LRATD2: variants seen among roughly 807,000 people sequenced by gnomAD.
The protein encoded by LRATD2 is protein LRATD2.
A neutral mutation model predicts 12.0 loss-of-function variants in LRATD2; 10 were observed. That is an observed-to-expected ratio of 0.83 (90% CI 0.51 to 1.41). The LOEUF (loss-of-function observed/expected upper bound fraction) is 1.41. Ranked by LOEUF, LRATD2 falls within the 40% of genes most tolerant of loss-of-function variation. The probability of loss-of-function intolerance (pLI) is 0.00; values close to 1 mark genes in which losing one functional copy is unlikely to be tolerated. For missense variants in LRATD2, 455 were observed against 446.1 expected (o/e 1.02, Z -0.18); for synonymous variants, 220 against 205.8 (o/e 1.07, Z -0.59).
At position 126,558,393 on chromosome 8, in the gene LRATD2, A is replaced by G. The variant is rs1817482365; in HGVS notation, c.-456T>C. ...TCCCGCTTGGGCCGGGCGAGCAACAAGCACCGGAGCTGGAGGGACGGGATT... is the reference window on the plus strand; with the variant it reads ...TCCCGCTTGGGCCGGGCGAGCAACAGGCACCGGAGCTGGAGGGACGGGATT... On this transcript the variant is annotated 5_prime_UTR_variant, in exon 1 of 2. Coordinates refer to ENST00000304916, the MANE Select transcript of LRATD2 (RefSeq NM_174911.5). 1 of 152,170 alleles carries G rather than the reference A, an allele frequency of 6.6e-6. No homozygotes were observed. The highest frequency in any genetic ancestry group is 1.5e-5 in the Non-Finnish European group (1 of 68,050). 9.4% of individuals were successfully genotyped at this position (152,170 alleles called of 1,614,324 possible).
rs765038660 is a variant in LRATD2 at position 126,556,449 on chromosome 8, C to T, written c.*8G>A. 7 of 1,554,756 alleles carry T rather than the reference C, an allele frequency of 4.5e-6. No individual in the cohort carries two copies. Among genetic ancestry groups the T allele is most frequent in the South Asian group, 1.2e-5 (1 of 82,386 alleles). ...TTCCCCTTCGCAGCTCTGCGCTCAGCTCGCCCATCAGTGTGCCACTGCCTC... is the reference window on the plus strand; with the variant it reads ...TTCCCCTTCGCAGCTCTGCGCTCAGTTCGCCCATCAGTGTGCCACTGCCTC... On this transcript the variant is annotated 3_prime_UTR_variant, in exon 2 of 2. Coordinates refer to ENST00000304916, the MANE Select transcript of LRATD2 (RefSeq NM_174911.5). This position sits in a 1 kb window ranked among gnomAD's most constrained non-coding sequence, Gnocchi z 5.6.
In LRATD2 at chr8:126,556,793, G is replaced by C; in HGVS notation, c.597C>G (p.Arg199=). The C allele has an allele frequency of 6.3e-7, 1 of 1,598,350 alleles. No homozygotes were observed. The highest frequency in any genetic ancestry group is 8.5e-7 in the Non-Finnish European group (1 of 1,175,096). The change falls in exon 2 of 2, where the codon CGC becomes CGG. Residue 199 remains arginine (R), a synonymous_variant. Coordinates refer to ENST00000304916, the MANE Select transcript of LRATD2 (RefSeq NM_174911.5). This position sits in a 1 kb window ranked among gnomAD's most constrained non-coding sequence, Gnocchi z 5.6. ...VGAKERELSW[R]NSESFAAWCR... is the part of the protein sequence containing the mutation. Reference sequence around the variant, plus strand: ...ACCAGGCGGCGAAACTCTCCGAGTTGCGCCAGCTCAGCTCGCGCTCCTTGG... The same window carrying C: ...ACCAGGCGGCGAAACTCTCCGAGTTCCGCCAGCTCAGCTCGCGCTCCTTGG...
Position 126,556,512 on chromosome 8 carries a change from C to T in LRATD2, c.878G>A (p.Gly293Glu). ...CTCGGAGCTGGGCGCAGGGGGGCGCCCGGGAGGCGGCGTAGTCCGCGCCAC... is the reference window on the plus strand; with the variant it reads ...CTCGGAGCTGGGCGCAGGGGGGCGCTCGGGAGGCGGCGTAGTCCGCGCCAC... Reference protein sequence around the residue: ...SNVARTTPPPGRPPAPSSEEE... With the variant: ...SNVARTTPPPERPPAPSSEEE... Residue 293 changes from glycine (G) to glutamate (E), a missense_variant, in exon 2 of 2, where the codon GGG becomes GAG. Gly to Glu is a moderately conservative substitution (Grantham distance 98, BLOSUM62 -2). Transcript: ENST00000304916. The surrounding 1 kb of genome is among the most constrained non-coding windows in gnomAD (Gnocchi z 5.6). 2 of 1,594,418 alleles carry T rather than the reference C, an allele frequency of 1.3e-6. No individual in the cohort carries two copies. Among genetic ancestry groups the T allele is most frequent in the Non-Finnish European group, 1.7e-6 (2 of 1,172,054 alleles).
Position 126,556,521 on chromosome 8 carries a change from G to A in LRATD2, c.869C>T (p.Pro290Leu), listed in dbSNP as rs560326320. ...GGGCGCAGGGGGGCGCCCGGGAGGC[G>A]GCGTAGTCCGCGCCACGTTGCTGTC... ...EGDSNVARTT[P>L]PPGRPPAPSS... The change falls in exon 2 of 2, where the codon CCG becomes CTG. Residue 290 changes from proline (P) to leucine (L), a missense_variant. Transcript: ENST00000304916. The surrounding 1 kb of genome is among the most constrained non-coding windows in gnomAD (Gnocchi z 5.6). 2.9e-5 allele frequency: 47 copies of A among 1,596,922 alleles called. No individual in the cohort carries two copies. In the Admixed American group the frequency reaches 3.5e-4, roughly 12 times the overall value.
chr8:126,557,315 G>C lies in LRATD2; in HGVS notation c.75C>G (p.Asp25Glu). The C allele has an allele frequency of 6.2e-7, 1 of 1,613,880 alleles. No homozygotes were observed. The highest frequency in any genetic ancestry group is 8.5e-7 in the Non-Finnish European group (1 of 1,180,000). The change falls in exon 2 of 2, where the codon GAC becomes GAG. Residue 25 changes from aspartate to glutamate, a missense_variant. Coordinates refer to ENST00000304916, the MANE Select transcript of LRATD2 (RefSeq NM_174911.5). The surrounding 1 kb of genome is among the most constrained non-coding windows in gnomAD (Gnocchi z 5.3). ...EVPTADPTGV[D>E]RDDGPRIGVS... ...CCCCAATGCGGGGCCCGTCGTCCCG[G>C]TCCACGCCAGTCGGGTCGGCCGTGG...
chr8:126,558,458 G>C lies in LRATD2; in HGVS notation c.-521C>G, dbSNP rs1817486555. 2.0e-5 allele frequency: 3 copies of C among 152,192 alleles called. No homozygotes were observed. The highest frequency in any genetic ancestry group is 4.1e-4 in the South Asian group (2 of 4,836). 9.4% of individuals were successfully genotyped at this position (152,192 alleles called of 1,614,324 possible). A position where few individuals can be genotyped will look rare whatever the true frequency, so the allele number is the denominator to read the frequency against. On this transcript the variant is annotated 5_prime_UTR_variant, in exon 1 of 2. Coordinates refer to ENST00000304916, the MANE Select transcript of LRATD2 (RefSeq NM_174911.5). ...GGGCTCCCGGGCGGGAGCGCAGCCCGTGGCATTTAAAGAGACAGGCGCTCA... is the reference window on the plus strand; with the variant it reads ...GGGCTCCCGGGCGGGAGCGCAGCCCCTGGCATTTAAAGAGACAGGCGCTCA...
chr8:126,557,149 C>A lies in LRATD2; in HGVS notation c.241G>T (p.Val81Leu), dbSNP rs144786841. 156 of 1,612,180 alleles carry A rather than the reference C, an allele frequency of 9.7e-5. No individual in the cohort carries two copies. Among genetic ancestry groups the A allele is most frequent in the Non-Finnish European group, 1.2e-4 (140 of 1,179,768 alleles). The change falls in exon 2 of 2, where the codon GTG (valine) becomes TTG (leucine). Residue 81 changes from valine to leucine, a missense_variant. Val to Leu is a conservative substitution (Grantham distance 32, BLOSUM62 1). Coordinates refer to ENST00000304916, the MANE Select transcript of LRATD2 (RefSeq NM_174911.5). This position sits in a 1 kb window ranked among gnomAD's most constrained non-coding sequence, Gnocchi z 5.3. ...PQPYDPRLHE[V>L]ECSVFYRDEC... Reference sequence around the variant, plus strand: ...TCCCGGTAGAACACGGAGCATTCCACCTCGTGCAGCCGCGGATCGTAGGGC... The same window carrying A: ...TCCCGGTAGAACACGGAGCATTCCAACTCGTGCAGCCGCGGATCGTAGGGC...
rs1203561603 is a variant in LRATD2 at position 126,554,088 on chromosome 8, C to T, written c.*2369G>A. ...TGGTGCGATCTCGGCTCACTGCAAC[C>T]TCTGCTTCCCAGCTTCAAGCAATTC... On this transcript the variant is annotated 3_prime_UTR_variant, in exon 2 of 2. Transcript: ENST00000304916. 2 of 152,438 alleles carry T rather than the reference C, an allele frequency of 1.3e-5. No homozygotes were observed. The highest frequency in any genetic ancestry group is 2.9e-5 in the Non-Finnish European group (2 of 68,194). The allele number at this position is 152,438 out of a possible 1,614,324, so 9.4% of individuals were successfully genotyped here. A position where few individuals can be genotyped will look rare whatever the true frequency, so the allele number is the denominator to read the frequency against.
chr8:126,557,238 G>C lies in LRATD2; in HGVS notation c.152C>G (p.Pro51Arg). ...DDEDVEPQPP[P>R]QGPDGGGLPD... is the part of the protein sequence containing the mutation. ...CAAGCCGCCGCCATCTGGCCCCTGA[G>C]GCGGCGGCTGCGGCTCCACGTCCTC... Residue 51 changes from proline (P) to arginine (R), a missense_variant, in exon 2 of 2, where the codon CCT (proline) becomes CGT (arginine). Pro to Arg is a moderately radical substitution (Grantham distance 103). Transcript: ENST00000304916. The surrounding 1 kb of genome is among the most constrained non-coding windows in gnomAD (Gnocchi z 5.3). 1 of 1,603,906 alleles carries C rather than the reference G, an allele frequency of 6.2e-7. No homozygotes were observed. Among genetic ancestry groups the C allele is most frequent in the East Asian group, 2.2e-5 (1 of 44,466 alleles).
rs762514787 is a variant in LRATD2 at position 126,557,195 on chromosome 8, C to T, written c.195G>A (p.Gly65=). 12 of 1,600,892 alleles carry T rather than the reference C, an allele frequency of 7.5e-6. No homozygotes were observed. In the Admixed American group the frequency reaches 1.0e-4, roughly 14 times the overall value. ...AGGGCTGCGGCTGGGGCGGCGGCGG[C>T]CCGTCCCCACCGTCGGGCAAGCCGC... ...DGGGLPDGGD[G]PPPPQPQPYD... Residue 65 remains glycine, a synonymous_variant, in exon 2 of 2, where the codon GGG becomes GGA. Transcript: ENST00000304916. This position sits in a 1 kb window ranked among gnomAD's most constrained non-coding sequence, Gnocchi z 5.3.
rs1014445601 is a variant in LRATD2, at chr8:126,557,489, T to C, written c.-96-4A>G. The C allele has an allele frequency of 6.7e-6, 9 of 1,337,522 alleles. No homozygotes were observed. Among genetic ancestry groups the C allele is most frequent in the Non-Finnish European group, 9.2e-6 (9 of 976,250 alleles). The allele number at this position is 1,337,522 out of a possible 1,614,324, so 82.9% of individuals were successfully genotyped here. A position where few individuals can be genotyped will look rare whatever the true frequency, so the allele number is the denominator to read the frequency against. On this transcript the variant is annotated splice_polypyrimidine_tract_variant and splice_region_variant and intron_variant, in intron 1 of 1. Transcript: ENST00000304916. This position sits in a 1 kb window ranked among gnomAD's most constrained non-coding sequence, Gnocchi z 5.3. ...CCCGGACAGGGGCTGAGGCTACCTGTTGGGAGAGGAAGGCAAGAAAGCCAT... is the reference window on the plus strand; with the variant it reads ...CCCGGACAGGGGCTGAGGCTACCTGCTGGGAGAGGAAGGCAAGAAAGCCAT...
In LRATD2 at chr8:126,557,425, G is replaced by C; in HGVS notation, c.-36C>G. The C allele has an allele frequency of 6.2e-7, 1 of 1,602,908 alleles. No homozygotes were observed. Among genetic ancestry groups the C allele is most frequent in the East Asian group, 2.2e-5 (1 of 44,768 alleles). On this transcript the variant is annotated 5_prime_UTR_variant, in exon 2 of 2. Transcript: ENST00000304916. The surrounding 1 kb of genome is among the most constrained non-coding windows in gnomAD (Gnocchi z 5.3). Reference sequence around the variant, plus strand: ...ACACACGTTCACACCGCCGCAAGGGGAGAAAGCGAAACCAACTCCAGGGTC... The same window carrying C: ...ACACACGTTCACACCGCCGCAAGGGCAGAAAGCGAAACCAACTCCAGGGTC...
Position 126,554,935 on chromosome 8 carries a change from TATC to T in LRATD2, c.*1519_*1521del, listed in dbSNP as rs1817354834. The T allele has an allele frequency of 6.6e-6, 1 of 151,808 alleles. No individual in the cohort carries two copies. Among genetic ancestry groups the T allele is most frequent in the Non-Finnish European group, 1.5e-5 (1 of 68,002 alleles). 9.4% of individuals were successfully genotyped at this position (151,808 alleles called of 1,614,324 possible). A position where few individuals can be genotyped will look rare whatever the true frequency, so the allele number is the denominator to read the frequency against. On this transcript the variant is annotated 3_prime_UTR_variant, in exon 2 of 2. Coordinates refer to ENST00000304916, the MANE Select transcript of LRATD2 (RefSeq NM_174911.5). ...AAGCTATGCTGCAACTGAGGGCACA[TATC>T]ATTGAAGATGTCACAGGAGTTTAAG...
chr8:126,554,423 A>G lies in LRATD2; in HGVS notation c.*2034T>C, dbSNP rs943935204. 2.6e-5 allele frequency: 4 copies of G among 152,254 alleles called. No individual in the cohort carries two copies. The highest frequency in any genetic ancestry group is 9.6e-5 in the African/African-American group (4 of 41,472). The allele number at this position is 152,254 out of a possible 1,614,324, so 9.4% of individuals were successfully genotyped here. ...ATCTTGTTCTGCTATTCCATGAGCA[A>G]AGAGAATAAACACAAAGCTGTGAGA... On this transcript the variant is annotated 3_prime_UTR_variant, in exon 2 of 2. Transcript: ENST00000304916.
In LRATD2 at chr8:126,556,348, C is replaced by A; in HGVS notation, c.*109G>T. On this transcript the variant is annotated 3_prime_UTR_variant, in exon 2 of 2. Coordinates refer to ENST00000304916, the MANE Select transcript of LRATD2 (RefSeq NM_174911.5). This position sits in a 1 kb window ranked among gnomAD's most constrained non-coding sequence, Gnocchi z 5.6. The stretch of plus-strand genomic sequence containing the variant: ...CTCTTTTCCAAAGGGCCCAGGAATC[C>A]CAGATGGGGCCCAGACAGTGGCAAA... 1 of 1,295,912 alleles carries A rather than the reference C, an allele frequency of 7.7e-7. No homozygotes were observed. The allele number at this position is 1,295,912 out of a possible 1,614,324, so 80.3% of individuals were successfully genotyped here. A position where few individuals can be genotyped will look rare whatever the true frequency, so the allele number is the denominator to read the frequency against.
In LRATD2 at chr8:126,557,762, G is replaced by A. The variant is rs567493435; in HGVS notation, c.-97+272C>T. ...CTTCCGCCTGCGCCCTACCTGCCAAGCTTGGGCAGGAAGAGGGAAGGAAAG... is the reference window on the plus strand; with the variant it reads ...CTTCCGCCTGCGCCCTACCTGCCAAACTTGGGCAGGAAGAGGGAAGGAAAG... On this transcript the variant is annotated intron_variant, in intron 1 of 1. Coordinates refer to ENST00000304916, the MANE Select transcript of LRATD2 (RefSeq NM_174911.5). The surrounding 1 kb of genome is among the most constrained non-coding windows in gnomAD (Gnocchi z 5.3). The A allele has an allele frequency of 1.9e-4, 41 of 220,116 alleles. No homozygotes were observed. Among genetic ancestry groups the A allele is most frequent in the African/African-American group, 9.5e-4 (41 of 43,126 alleles). The allele number at this position is 220,116 out of a possible 1,614,324, so 13.6% of individuals were successfully genotyped here. A position where few individuals can be genotyped will look rare whatever the true frequency, so the allele number is the denominator to read the frequency against.
Position 126,557,481 on chromosome 8 carries a change from G to A in LRATD2, c.-92C>T. ...CACAGGTCCCCGGACAGGGGCTGAG[G>A]CTACCTGTTGGGAGAGGAAGGCAAG... On this transcript the variant is annotated 5_prime_UTR_variant, in exon 2 of 2. Coordinates refer to ENST00000304916, the MANE Select transcript of LRATD2 (RefSeq NM_174911.5). The surrounding 1 kb of genome is among the most constrained non-coding windows in gnomAD (Gnocchi z 5.3). 7.2e-7 allele frequency: 1 copy of A among 1,387,660 alleles called. No individual in the cohort carries two copies. Among genetic ancestry groups the A allele is most frequent in the Admixed American group, 2.6e-5 (1 of 38,752 alleles). 86.0% of individuals were successfully genotyped at this position (1,387,660 alleles called of 1,614,324 possible).
At position 126,557,811 on chromosome 8, in the gene LRATD2, C is replaced by A. The variant is rs559692403; in HGVS notation, c.-97+223G>T. The A allele has an allele frequency of 8.3e-5, 15 of 180,548 alleles. No homozygotes were observed. Among genetic ancestry groups the A allele is most frequent in the Middle Eastern group, 2.5e-3 (1 of 404 alleles). 11.2% of individuals were successfully genotyped at this position (180,548 alleles called of 1,614,324 possible). A position where few individuals can be genotyped will look rare whatever the true frequency, so the allele number is the denominator to read the frequency against. On this transcript the variant is annotated intron_variant, in intron 1 of 1. Coordinates refer to ENST00000304916, the MANE Select transcript of LRATD2 (RefSeq NM_174911.5). This position sits in a 1 kb window ranked among gnomAD's most constrained non-coding sequence, Gnocchi z 5.3. ...AGAGAAACTTTACGCCAATCCCCCC[C>A]CTCCTCTGCTAACTTCCCCTCCCAC...
chr8:126,555,248 A>C lies in LRATD2; in HGVS notation c.*1209T>G, dbSNP rs1443955112. The C allele has an allele frequency of 6.6e-6, 1 of 152,210 alleles. No individual in the cohort carries two copies. The highest frequency in any genetic ancestry group is 6.5e-5 in the Admixed American group (1 of 15,284). The allele number at this position is 152,210 out of a possible 1,614,324, so 9.4% of individuals were successfully genotyped here. On this transcript the variant is annotated 3_prime_UTR_variant, in exon 2 of 2. Transcript: ENST00000304916. ...TTCAATTGCATCAAGTGTGGATAGC[A>C]AAATAAGTATCTTACCATTGAAATA... is the stretch of plus-strand genomic sequence containing the variant.
Sources: allele counts gnomAD v4.1 joint callset, GRCh38; gene constraint gnomAD v4.1.1; non-coding constraint Gnocchi (gnomAD v3.1); transcripts MANE v1.5; gene names NCBI Gene and HGNC (gene_info 2026-07-23, HGNC 2026-07-21).